TMEM236: variants seen among roughly 807,000 people sequenced by gnomAD.
TMEM236 encodes the protein transmembrane protein 236.
In TMEM236, 11 loss-of-function variants were observed where a neutral mutation model predicts 14.7. That is an observed-to-expected ratio of 0.75 (90% CI 0.47 to 1.24). TMEM236 has a LOEUF of 1.24. TMEM236 is among the 50% of genes most tolerant of loss of function. TMEM236 has a pLI of 0.00. For missense variants in TMEM236, 464 were observed against 427.3 expected, an observed-to-expected ratio of 1.09 and a Z score of -0.76; for synonymous variants, 182 against 168.6, an observed-to-expected ratio of 1.08 and a Z score of -0.62.
intron 1 of TMEM236, among the ~76,000 whole-genome samples, chr10:17,755,107 G>A (rs868908019): frequency 1.5e-5 from 2 of 137,378 alleles, no homozygotes; most frequent in African/African-American, 5.4e-5. Context: ...CCCGGCTAAT[G>A]TTTTTTTTTT....
rs987507758 is a variant in TMEM236 at position 17,789,495 on chromosome 10, G to A, written c.473-6426G>A. On this transcript the variant is annotated intron_variant, in intron 3 of 3. Transcript: ENST00000377495. Reference sequence around the variant, plus strand: ...TTTTAAGTGCTTTACAGATGCTGACGAATTCCTTCACTGTGAGGTTGATGT... The same window carrying A: ...TTTTAAGTGCTTTACAGATGCTGACAAATTCCTTCACTGTGAGGTTGATGT... 3.3e-5 allele frequency among the ~76,000 whole-genome samples: 5 copies of A among 152,130 alleles called. No homozygotes were observed. The East Asian group carries it at 7.7e-4, about 23-fold the overall frequency.
chr10:17,761,381 G>C (rs1164978653), intron 1 of TMEM236, among the ~76,000 whole-genome samples: 1 of 151,978 alleles, frequency 6.6e-6, no homozygotes, highest in Non-Finnish European at 1.5e-5. Context: ...TTGTCAATAA[G>C]GTAATTCTCT....
intron 1 of TMEM236, among the ~76,000 whole-genome samples, chr10:17,767,486 C>T (rs1046713483): frequency 5.9e-5 from 9 of 151,966 alleles, no homozygotes; most frequent in African/African-American, 1.9e-4. Context: ...TAAGCATATA[C>T]GAGCAGTAAG....
At position 17,796,784 on chromosome 10, in the gene TMEM236, C is replaced by A. The variant is rs962091035; in HGVS notation, c.*280C>A. On this transcript the variant is annotated 3_prime_UTR_variant, in exon 4 of 4. Transcript: ENST00000377495. Reference sequence around the variant, plus strand: ...AGTTATGTATACTGAGGTCCCCAACCCCTGGACCATGGTCCCAGTACTGGT... The same window carrying A: ...AGTTATGTATACTGAGGTCCCCAACACCTGGACCATGGTCCCAGTACTGGT... 2.4e-6 allele frequency: 1 copy of A among 422,056 alleles called. No individual in the cohort carries two copies. Among genetic ancestry groups the A allele is most frequent in the Non-Finnish European group, 4.3e-6 (1 of 230,506 alleles). The allele number at this position is 422,056 out of a possible 1,614,324, so 26.1% of individuals were successfully genotyped here.
At chr10:17,774,975 A>G (rs1000610728) in intron 2 of TMEM236, among the ~76,000 whole-genome samples, 153 of 151,790 alleles carry the variant, frequency 1.0e-3, no homozygotes, top group African/African-American at 3.6e-3. Context: ...TTTTTTTTGT[A>G]TTTTTAGTAA....
chr10:17,770,827 T>G, intron 1 of TMEM236, among the ~76,000 whole-genome samples: 1 of 150,884 alleles, frequency 6.6e-6, no homozygotes, highest in Non-Finnish European at 1.5e-5. Context: ...GTGTATGGTT[T>G]TTTTTGGTTC....
chr10:17,760,968 T>G (rs965889793), intron 1 of TMEM236, among the ~76,000 whole-genome samples: 2 of 152,100 alleles, frequency 1.3e-5, no homozygotes, highest in Non-Finnish European at 2.9e-5. Flanking sequence ...GAGCTACAAT[T>G]CAAGATGAGA....
intron 3 of TMEM236, among the ~76,000 whole-genome samples, chr10:17,789,750 C>T (rs35384845): frequency 0.06 from 9,162 of 151,970 alleles, 472 homozygotes; most frequent in East Asian, 0.21. Context: ...GGGCCGGGCA[C>T]GGTGGCTCAC....
chr10:17,761,170 C>T (rs892812292), intron 1 of TMEM236, among the ~76,000 whole-genome samples: 3 of 152,118 alleles, frequency 2.0e-5, no homozygotes, highest in Admixed American at 1.3e-4. Flanking sequence ...ATTTCCAGAC[C>T]ATCAAAACTT....
At chr10:17,753,926 A>G (rs1837245689) in intron 1 of TMEM236, among the ~76,000 whole-genome samples, 1 of 152,242 alleles carries the variant, frequency 6.6e-6, no homozygotes, top group Admixed American at 6.5e-5. Flanking sequence ...ATGTGAGCAG[A>G]GCGTAAGGAT....
chr10:17,757,109 G>A (rs1589137859), intron 1 of TMEM236, among the ~76,000 whole-genome samples: 1 of 152,144 alleles, frequency 6.6e-6, no homozygotes, highest in Non-Finnish European at 1.5e-5. Flanking sequence ...GGCCACATTC[G>A]TGAGCATTAT....
intron 1 of TMEM236, among the ~76,000 whole-genome samples, chr10:17,764,620 C>T: frequency 6.6e-6 from 1 of 152,028 alleles, no homozygotes; most frequent in East Asian, 1.9e-4. Flanking sequence ...GGTGAGAAGT[C>T]TAAGATCAAG....
intron 1 of TMEM236, among the ~76,000 whole-genome samples, chr10:17,757,653 C>T (rs1837302687): frequency 6.6e-6 from 1 of 150,742 alleles, no homozygotes; most frequent in African/African-American, 2.4e-5. Context: ...GAGCCTAGGT[C>T]TGTCTGATTC....
At chr10:17,786,370 G>GT (rs1200791781) in intron 3 of TMEM236, among the ~76,000 whole-genome samples, 2 of 152,224 alleles carry the variant, frequency 1.3e-5, no homozygotes, top group East Asian at 3.9e-4. Flanking sequence ...TTTCTCTTCT[G>GT]TTTTTTGAGA....
chr10:17,791,395 CT>C (rs1837922721), intron 3 of TMEM236, among the ~76,000 whole-genome samples: 1 of 152,136 alleles, frequency 6.6e-6, no homozygotes, highest in East Asian at 1.9e-4. Context: ...GAGTTGGAGG[CT>C]GTAGTGCGCT....
Position 17,796,807 on chromosome 10 carries a change from G to C in TMEM236, c.*303G>C, listed in dbSNP as rs1365774651. ...ACCCCTGGACCATGGTCCCAGTACT[G>C]GTCCGTGATCTGTTAGCAAGCAGAC... On this transcript the variant is annotated 3_prime_UTR_variant, in exon 4 of 4. Transcript: ENST00000377495. 5.2e-6 allele frequency: 2 copies of C among 382,426 alleles called. No homozygotes were observed. The highest frequency in any genetic ancestry group is 2.1e-5 in the African/African-American group (1 of 47,944). 23.7% of individuals were successfully genotyped at this position (382,426 alleles called of 1,614,324 possible). A position where few individuals can be genotyped will look rare whatever the true frequency, so the allele number is the denominator to read the frequency against.
intron 3 of TMEM236, among the ~76,000 whole-genome samples, chr10:17,795,295 C>T (rs908120940): frequency 3.3e-4 from 50 of 152,234 alleles, no homozygotes; most frequent in Admixed American, 1.0e-3. Context: ...TGGAGTCAAA[C>T]AAATCTAGGT....
intron 1 of TMEM236, among the ~76,000 whole-genome samples, chr10:17,771,051 CGATTT>C (rs1837563525): frequency 6.6e-6 from 1 of 152,094 alleles, no homozygotes; most frequent in Admixed American, 6.5e-5. Flanking sequence ...ATTTGACTTG[CGATTT>C]GATGCTTTTA....
chr10:17,768,116 C>T (rs1285474909), intron 1 of TMEM236, among the ~76,000 whole-genome samples: 11 of 94,066 alleles, frequency 1.2e-4, no homozygotes, highest in African/African-American at 3.0e-4. Context: ...TTTGTAGAGA[C>T]GAGGATTTGC....
Sources: gnomAD v4.1 joint callset for allele counts (sites outside exome capture counted in the v4.1 genomes callset) on GRCh38, gnomAD v4.1.1 for gene constraint, MANE v1.5 for transcripts, NCBI Gene and HGNC (gene_info 2026-07-23, HGNC 2026-07-21) for gene names.